Variants in KIAA1549L observed in about 807,000 individuals in gnomAD.
The protein encoded by KIAA1549L is UPF0606 protein KIAA1549L.
KIAA1549L carries 88 observed loss-of-function variants against 160.7 expected under a neutral mutation model. The observed-to-expected ratio is 0.55, with a 90% CI of 0.46 to 0.65. The LOEUF is 0.65. KIAA1549L is among the 30% of genes least tolerant of loss of function. The probability of loss-of-function intolerance (pLI) is 0.00; values close to 1 mark genes in which losing one functional copy is unlikely to be tolerated. For synonymous variants in KIAA1549L, 950 were observed against 976.7 expected, an observed-to-expected ratio of 0.97 and a Z score of 0.51; for missense variants, 2,258 against 2,437.5, an observed-to-expected ratio of 0.93 and a Z score of 1.55.
At chr11:33,514,126 A>AT (rs1257349490) in intron 1 of KIAA1549L, among the ~76,000 whole-genome samples, 1 of 152,306 alleles carries the variant, frequency 6.6e-6, no homozygotes, top group East Asian at 1.9e-4. Flanking sequence ...CCTGTTCCAG[A>AT]TATCTCTTTG....
Position 33,547,794 on chromosome 11 carries a change from TC to T in KIAA1549L, c.3417del (p.Ser1140ValfsTer4). The part of the protein sequence containing the change: ...VLFLTQRRVQ[I>X]SESLKFSIAK... Reference sequence around the variant, plus strand: ...TTTCTCACCCAAAGGAGAGTGCAGATCAGTGAATCCTTGAAGTTCAGTATCG... The same window carrying T: ...TTTCTCACCCAAAGGAGAGTGCAGATAGTGAATCCTTGAAGTTCAGTATCG... On this transcript the variant is annotated frameshift_variant, in exon 4 of 21. Transcript: ENST00000658780. LOFTEE classifies it high-confidence loss of function. 6.2e-7 allele frequency: 1 copy of T among 1,613,454 alleles called. No individual in the cohort carries two copies. The highest frequency in any genetic ancestry group is 8.5e-7 in the Non-Finnish European group (1 of 1,179,532).
chr11:33,390,539 A>G (rs943417430), intron 1 of KIAA1549L, among the ~76,000 whole-genome samples: 1 of 152,168 alleles, frequency 6.6e-6, no homozygotes, highest in Admixed American at 6.5e-5. Context: ...AGCTGCTGCA[A>G]TCTGGCCAAT....
chr11:33,545,345 T>C lies in KIAA1549L; in HGVS notation c.3352T>C (p.Cys1118Arg), dbSNP rs1854213553. ...TTGKMASNLE[C>R]QMSSKLLVKT... ...TGGCAAAATGGCATCCAACCTGGAG[T>C]GTCAGATGTCCAGTAAGCTCCTGGT... The change falls in exon 3 of 21, where the codon TGT becomes CGT. Residue 1118 changes from cysteine to arginine, a missense_variant. Coordinates refer to ENST00000658780, the MANE Select transcript of KIAA1549L (RefSeq NM_012194.3). 1 of 1,611,322 alleles carries C rather than the reference T, an allele frequency of 6.2e-7. No individual in the cohort carries two copies. Among genetic ancestry groups the C allele is most frequent in the African/African-American group, 1.3e-5 (1 of 74,800 alleles).
chr11:33,424,884 T>C (rs1851086303), intron 1 of KIAA1549L, among the ~76,000 whole-genome samples: 1 of 152,100 alleles, frequency 6.6e-6, no homozygotes, highest in East Asian at 1.9e-4. Context: ...AAGAATGAGG[T>C]TGGGAGAGGT....
At chr11:33,511,091 A>G (rs535539385) in intron 1 of KIAA1549L, among the ~76,000 whole-genome samples, 2 of 152,350 alleles carry the variant, frequency 1.3e-5, no homozygotes, top group South Asian at 4.1e-4. Flanking sequence ...AATGTGGGCT[A>G]GGCTCAGCCA....
intron 18 of KIAA1549L, among the ~76,000 whole-genome samples, chr11:33,657,657 C>T (rs761641743): frequency 5.3e-5 from 8 of 152,164 alleles, no homozygotes; most frequent in Middle Eastern, 3.4e-3. Context: ...ATTAGGTGGG[C>T]GTACTGGCAT....
At chr11:33,479,787 A>G (rs535507249) in intron 1 of KIAA1549L, among the ~76,000 whole-genome samples, 132 of 152,288 alleles carry the variant, frequency 8.7e-4, no homozygotes, top group Middle Eastern at 6.8e-3. Flanking sequence ...CACATTTTTG[A>G]TTGAGAAACA....
chr11:33,619,681 GT>G (rs1195709033), intron 16 of KIAA1549L, among the ~76,000 whole-genome samples: 1 of 152,112 alleles, frequency 6.6e-6, no homozygotes, highest in Non-Finnish European at 1.5e-5. Context: ...TGTGTTAGTA[GT>G]GTTACCCTTA....
chr11:33,573,738 C>G (rs1437849454), intron 9 of KIAA1549L, among the ~76,000 whole-genome samples: 1 of 152,074 alleles, frequency 6.6e-6, no homozygotes, highest in African/African-American at 2.4e-5. Context: ...AAGTTGATAA[C>G]CAATGTTCGA....
chr11:33,386,808 G>T (rs1403890603), intron 1 of KIAA1549L, among the ~76,000 whole-genome samples: 1 of 150,276 alleles, frequency 6.7e-6, no homozygotes, highest in Non-Finnish European at 1.5e-5. Context: ...GGTAGTGCTG[G>T]TCTATAAAAT....
chr11:33,579,439 T>G (rs1855562583), intron 10 of KIAA1549L, among the ~76,000 whole-genome samples: 1 of 152,202 alleles, frequency 6.6e-6, no homozygotes, highest in African/African-American at 2.4e-5. Flanking sequence ...CTTTCCATCT[T>G]CATTAGTTGC....
intron 16 of KIAA1549L, among the ~76,000 whole-genome samples, chr11:33,637,760 CTCT>C (rs1214486018): frequency 1.3e-5 from 2 of 152,208 alleles, no homozygotes; most frequent in Admixed American, 1.3e-4. Flanking sequence ...TCCAAATTTC[CTCT>C]TCTTAGAAGG....
chr11:33,610,013 G>A (rs994159634), intron 15 of KIAA1549L, 47 bp downstream of exon 15: 16 of 1,450,726 alleles, frequency 1.1e-5, no homozygotes, highest in African/African-American at 7.0e-5. Context: ...TCATTGGTGG[G>A]ATAAGGGCAG....
chr11:33,409,499 C>T (rs965134484), intron 1 of KIAA1549L, among the ~76,000 whole-genome samples: 4 of 152,168 alleles, frequency 2.6e-5, no homozygotes, highest in Non-Finnish European at 4.4e-5. Flanking sequence ...TGCTAATCTA[C>T]TAATTTCATT....
chr11:33,497,453 G>A (rs978197234), intron 1 of KIAA1549L, among the ~76,000 whole-genome samples: 1 of 152,104 alleles, frequency 6.6e-6, no homozygotes, highest in Non-Finnish European at 1.5e-5. Flanking sequence ...CCCCATTTAG[G>A]TATGATGTCC....
intron 1 of KIAA1549L, among the ~76,000 whole-genome samples, chr11:33,502,851 G>C (rs865862245): frequency 9.9e-5 from 15 of 152,144 alleles, no homozygotes; most frequent in Admixed American, 9.8e-4. Context: ...GAGATAAAAC[G>C]TAACCTTGTA....
chr11:33,451,973 T>G (rs995079961), intron 1 of KIAA1549L, among the ~76,000 whole-genome samples: 1 of 152,178 alleles, frequency 6.6e-6, no homozygotes, highest in African/African-American at 2.4e-5. Flanking sequence ...GTCAAGTAAT[T>G]TAGCCAAGAT....
intron 16 of KIAA1549L, among the ~76,000 whole-genome samples, chr11:33,636,163 T>C (rs1851431606): frequency 6.6e-6 from 1 of 152,176 alleles, no homozygotes; most frequent in African/African-American, 2.4e-5. Flanking sequence ...ATGCCAGTGC[T>C]TGTGTTCAGG....
In KIAA1549L at chr11:33,485,273, A is replaced by G. The variant is rs11825928; in HGVS notation, c.239-56529A>G. On this transcript the variant is annotated intron_variant, in intron 1 of 20. Coordinates refer to ENST00000658780, the MANE Select transcript of KIAA1549L (RefSeq NM_012194.3). Reference sequence around the variant, plus strand: ...TCAAGAATCTGTAGTTTCTTTTGCAATGGCATTGGGGGGAGGTTGATTTCT... The same window carrying G: ...TCAAGAATCTGTAGTTTCTTTTGCAGTGGCATTGGGGGGAGGTTGATTTCT... 1.9e-3 allele frequency among the ~76,000 whole-genome samples: 285 copies of G among 152,288 alleles called. 2 individuals are homozygous for G. The highest frequency in any genetic ancestry group is 5.9e-3 in the African/African-American group (247 of 41,548).
Sources: gnomAD v4.1 joint callset for allele counts (sites outside exome capture counted in the v4.1 genomes callset) on GRCh38, gnomAD v4.1.1 for gene constraint, MANE v1.5 for transcripts, NCBI Gene and HGNC (gene_info 2026-07-23, HGNC 2026-07-21) for gene names.